ZPBP: variants seen among roughly 807,000 people sequenced by gnomAD.
ZPBP encodes zona pellucida binding protein.
In ZPBP, 26 loss-of-function variants were observed where a neutral mutation model predicts 44.8. The observed-to-expected ratio is 0.58, with a 90% CI of 0.43 to 0.81. The LOEUF is 0.81. Ranked by LOEUF, ZPBP falls within the 30% of genes least tolerant of loss-of-function variation. The pLI, the probability that ZPBP is intolerant of heterozygous loss-of-function variation, is 0.00. For missense variants in ZPBP, 409 were observed against 434.0 expected, an observed-to-expected ratio of 0.94 and a Z score of 0.51; for synonymous variants, 174 against 153.2, an observed-to-expected ratio of 1.14 and a Z score of -1.00.
At chr7:49,999,198 TATA>T (rs1366870140) in intron 6 of ZPBP, among the ~76,000 whole-genome samples, 2 of 151,386 alleles carry the variant, frequency 1.3e-5, no homozygotes, top group Non-Finnish European at 2.9e-5. Context: ...CTCCAATTCC[TATA>T]ATAAGTCTCC....
At chr7:50,024,154 G>A (rs946250616) in intron 5 of ZPBP, among the ~76,000 whole-genome samples, 1 of 151,958 alleles carries the variant, frequency 6.6e-6, no homozygotes, top group African/African-American at 2.4e-5. Flanking sequence ...AAAGATGATA[G>A]ATAATGTAGT....
intron 2 of ZPBP, among the ~76,000 whole-genome samples, chr7:49,882,530 G>A (rs1212314172): frequency 6.6e-6 from 1 of 151,928 alleles, no homozygotes; most frequent in Non-Finnish European, 1.5e-5. Context: ...GAGACAGAGG[G>A]ACACACAGAG....
Position 50,061,573 on chromosome 7 carries a change from T to C in ZPBP, c.335-3432A>G, listed in dbSNP as rs183503754. The stretch of plus-strand genomic sequence containing the variant: ...AAAATTAGCCAGGCATAGTGGTGCA[T>C]GCCTGTAATCCCAGCTAATAAAGGG... On this transcript the variant is annotated intron_variant, in intron 3 of 7. Transcript: ENST00000046087. Among the ~76,000 whole-genome samples the C allele has an allele frequency of 6.6e-5, 10 of 152,276 alleles. No homozygotes were observed. In the East Asian group the frequency reaches 1.9e-3, roughly 29 times the overall value.
chr7:50,058,270 G>T, intron 3 of ZPBP, 129 bp from the exon 4 acceptor site: 1 of 929,988 alleles, frequency 1.1e-6, no homozygotes, highest in Non-Finnish European at 1.7e-6. Context: ...GGCATAGCTA[G>T]GACATTACAT....
intron 2 of ZPBP, among the ~76,000 whole-genome samples, chr7:50,089,184 A>G (rs1005200929): frequency 6.6e-6 from 1 of 152,114 alleles, no homozygotes; most frequent in Non-Finnish European, 1.5e-5. Flanking sequence ...TATACTAAAA[A>G]CAATTGAATT....
chr7:49,939,024 A>C (rs529020115), intron 7 of ZPBP, among the ~76,000 whole-genome samples: 1 of 152,170 alleles, frequency 6.6e-6, no homozygotes, highest in Non-Finnish European at 1.5e-5. Context: ...GATGGAAAAA[A>C]GTTTAATTAA....
chr7:49,845,546 C>T (rs1789919988), downstream of ZPBP, among the ~76,000 whole-genome samples: 1 of 152,208 alleles, frequency 6.6e-6, no homozygotes, highest in African/African-American at 2.4e-5. Flanking sequence ...GGCAAGTTGT[C>T]TGTGTGAAAT....
At chr7:50,038,072 G>A (rs771542963) in intron 4 of ZPBP, among the ~76,000 whole-genome samples, 3 of 152,034 alleles carry the variant, frequency 2.0e-5, no homozygotes, top group Non-Finnish European at 4.4e-5. Context: ...CCCAATTCAT[G>A]GTGTAAGGGT....
chr7:49,945,197 G>A (rs1223649101), intron 7 of ZPBP, among the ~76,000 whole-genome samples: 4 of 152,008 alleles, frequency 2.6e-5, no homozygotes. Context: ...TTCCATTGTG[G>A]TCAGAGAAGA....
At chr7:49,844,755 C>T in the ZPBP span, among the ~76,000 whole-genome samples, 11 of 152,076 alleles carry the variant, frequency 7.2e-5, no homozygotes, top group African/African-American at 2.4e-4. Context: ...TGCAATGGCA[C>T]GATCTCAGTT....
chr7:49,969,149 T>C (rs1310657441), intron 7 of ZPBP, among the ~76,000 whole-genome samples: 6 of 149,530 alleles, frequency 4.0e-5, no homozygotes, highest in Non-Finnish European at 7.4e-5. Context: ...ATATTTAGTA[T>C]TTATACATAT....
At chr7:50,071,654 C>G (rs185517906) in intron 3 of ZPBP, among the ~76,000 whole-genome samples, 1 of 152,168 alleles carries the variant, frequency 6.6e-6, no homozygotes, top group African/African-American at 2.4e-5. Flanking sequence ...GGGGAGGACG[C>G]TGTCTTGCAT....
At chr7:50,047,795 C>G (rs1483051345) in intron 4 of ZPBP, among the ~76,000 whole-genome samples, 1 of 152,104 alleles carries the variant, frequency 6.6e-6, no homozygotes, top group Non-Finnish European at 1.5e-5. Flanking sequence ...TCCCCCACAG[C>G]TTTCCTGAAT....
chr7:49,843,312 A>G, the ZPBP span, among the ~76,000 whole-genome samples: 104 of 152,244 alleles, frequency 6.8e-4, no homozygotes, highest in Non-Finnish European at 1.3e-3. Context: ...TGATGGCTCC[A>G]GGAACATAAA....
At chr7:49,884,976 T>C (rs1791834774) in intron 2 of ZPBP, among the ~76,000 whole-genome samples, 1 of 152,090 alleles carries the variant, frequency 6.6e-6, no homozygotes, top group Admixed American at 6.6e-5. Flanking sequence ...ATGAAAAGTA[T>C]CAAATTTTTG....
chr7:50,072,657 G>A (rs1317729998), intron 3 of ZPBP, among the ~76,000 whole-genome samples: 1 of 152,244 alleles, frequency 6.6e-6, no homozygotes, highest in Admixed American at 6.5e-5. Context: ...TATGTTTTGG[G>A]AGAAAGTAAG....
At chr7:49,872,841 A>G (rs1791225688) in intron 2 of ZPBP, among the ~76,000 whole-genome samples, 2 of 141,292 alleles carry the variant, frequency 1.4e-5, no homozygotes, top group East Asian at 2.2e-4. Context: ...GCTTGAAACC[A>G]GGAGGCAGAG....
At chr7:49,860,889 G>A (rs1452080475) in intron 2 of ZPBP, among the ~76,000 whole-genome samples, 2 of 152,168 alleles carry the variant, frequency 1.3e-5, no homozygotes, top group Non-Finnish European at 2.9e-5. Flanking sequence ...CGAGCCAAGG[G>A]GAGAGGCCTC....
intron 1 of ZPBP, among the ~76,000 whole-genome samples, chr7:49,910,953 T>C (rs1446793371): frequency 6.6e-6 from 1 of 152,314 alleles, no homozygotes; most frequent in Non-Finnish European, 1.5e-5. Flanking sequence ...TTGTAATGTA[T>C]GGGAAAGTTT....
Sources: gnomAD v4.1 joint callset for allele counts (sites outside exome capture counted in the v4.1 genomes callset) on GRCh38, gnomAD v4.1.1 for gene constraint, MANE v1.5 for transcripts, NCBI Gene and HGNC (gene_info 2026-07-23, HGNC 2026-07-21) for gene names.